TNC: variants seen among roughly 807,000 people sequenced by gnomAD.
TNC encodes the protein tenascin C.
TNC carries 109 observed loss-of-function variants against 202.4 expected under a neutral mutation model. The ratio of observed to expected loss-of-function variants is 0.54; its 90% CI spans 0.46 to 0.63. TNC has a LOEUF of 0.63. Ranked by LOEUF, TNC falls within the 30% of genes least tolerant of loss-of-function variation. TNC has a pLI of 0.00. For synonymous variants in TNC, 1,007 were observed against 1,089.7 expected, an observed-to-expected ratio of 0.92 and a Z score of 1.50; for missense variants, 2,756 against 2,833.3, an observed-to-expected ratio of 0.97 and a Z score of 0.62.
chr9:115,050,612 C>T (rs2150101), intron 15 of TNC, among the ~76,000 whole-genome samples: 3 of 152,004 alleles, frequency 2.0e-5, no homozygotes, highest in Non-Finnish European at 2.9e-5. Flanking sequence ...CTCTTAAAAA[C>T]GAGAGGGAGT....
chr9:115,021,696 A>C (rs1829083169), intron 27 of TNC, among the ~76,000 whole-genome samples: 1 of 152,152 alleles, frequency 6.6e-6, no homozygotes, highest in Admixed American at 6.5e-5. Context: ...GTATTTTGAT[A>C]GGGGTTTGGT....
At chr9:115,076,658 A>C in intron 7 of TNC, 83 bp from the exon 8 acceptor site, 2 of 1,469,104 alleles carry the variant, frequency 1.4e-6, no homozygotes, top group Non-Finnish European at 1.9e-6. Flanking sequence ...TGACATATGA[A>C]ACGTGCCTGG....
At chr9:115,052,093 T>C (rs977015296) in intron 15 of TNC, among the ~76,000 whole-genome samples, 19 of 147,402 alleles carry the variant, frequency 1.3e-4, no homozygotes, top group East Asian at 5.9e-4. Context: ...TATATATATA[T>C]ACACATATAT....
At position 115,076,447 on chromosome 9, in the gene TNC, G is replaced by A; in HGVS notation, c.2803C>T (p.His935Tyr). The A allele has an allele frequency of 1.9e-6, 3 of 1,614,116 alleles. No individual in the cohort carries two copies. The highest frequency in any genetic ancestry group is 2.5e-6 in the Non-Finnish European group (3 of 1,180,028). ...CTCTTTGGAACATCAACCTCAGCGT[G>A]GTCCCCTCCAGAGATGGGGGCATAC... is the stretch of plus-strand genomic sequence containing the variant. ...IKYAPISGGDHAEVDVPKSQQ... is the reference protein window; with the variant it reads ...IKYAPISGGDYAEVDVPKSQQ... Residue 935 changes from histidine to tyrosine, a missense_variant, in exon 8 of 28, where the codon CAC becomes TAC. This residue lies in a region of TNC where 2,559 missense variants were observed against 2,546.0 expected (regional missense o/e 1.01). Coordinates refer to ENST00000350763, the MANE Select transcript of TNC (RefSeq NM_002160.4).
Position 115,086,714 on chromosome 9 carries a change from T to G in TNC, c.1017A>C (p.Glu339Asp), listed in dbSNP as rs1449688613. The G allele has an allele frequency of 1.9e-6, 3 of 1,613,930 alleles. No homozygotes were observed. The East Asian group carries it at 6.7e-5, about 36-fold the overall frequency. The change falls in exon 3 of 28, where the codon GAA becomes GAC. Residue 339 changes from glutamate to aspartate, a missense_variant. Glu to Asp is a conservative substitution (Grantham distance 45). Around this residue, in one of 2 missense-constraint regions of TNC, gnomAD observed 2,559 missense variants for 2,546.0 expected, o/e 1.01. Coordinates refer to ENST00000350763, the MANE Select transcript of TNC (RefSeq NM_002160.4). ...TCYCEEGFTG[E>D]DCGKPTCPHA... ...GTGGGCAGGTGGGTTTCCCGCAGTC[T>G]TCACCTGTGAAGCCTTCTTCGCAGT... is the stretch of plus-strand genomic sequence containing the variant.
At chr9:115,032,412 A>T (rs1240923885) in intron 22 of TNC, among the ~76,000 whole-genome samples, 1 of 152,212 alleles carries the variant, frequency 6.6e-6, no homozygotes, top group Non-Finnish European at 1.5e-5. Flanking sequence ...AGATGTTTGG[A>T]CATGCCAATG....
chr9:115,051,649 T>G (rs777349954), intron 15 of TNC, among the ~76,000 whole-genome samples: 18 of 151,928 alleles, frequency 1.2e-4, no homozygotes, highest in Admixed American at 4.6e-4. Flanking sequence ...GTGTTGTCAG[T>G]TTTAAGAATA....
chr9:115,111,399 C>CTCTTTTTTTTTTTTT (rs1174066886), intron 1 of TNC, among the ~76,000 whole-genome samples: 26 of 71,344 alleles, frequency 3.6e-4, no homozygotes, highest in African/African-American at 1.5e-3. Context: ...CTCTCTCTCT[C>CTCTTTTTTTTTTTTT]TTTTTTTTTT....
intron 1 of TNC, among the ~76,000 whole-genome samples, chr9:115,114,045 C>T (rs1031591083): frequency 1.1e-4 from 16 of 152,116 alleles, no homozygotes; most frequent in African/African-American, 3.4e-4. Context: ...GTATAGCCCC[C>T]GAAGGTAGGT....
In TNC at chr9:115,076,499, C is replaced by G; in HGVS notation, c.2751G>C (p.Lys917Asn). 1 of 1,614,226 alleles carries G rather than the reference C, an allele frequency of 6.2e-7. No homozygotes were observed. The highest frequency in any genetic ancestry group is 8.5e-7 in the Non-Finnish European group (1 of 1,180,048). The change falls in exon 8 of 28, where the codon AAG becomes AAC. Residue 917 changes from lysine (K) to asparagine (N), a missense_variant. Lys to Asn is a moderately conservative substitution (Grantham distance 94). Around this residue, in one of 2 missense-constraint regions of TNC, gnomAD observed 2,559 missense variants for 2,546.0 expected, o/e 1.01. Coordinates refer to ENST00000350763, the MANE Select transcript of TNC (RefSeq NM_002160.4). ...NSITLEWRNGKAAIDSYRIKY... is the reference protein window; with the variant it reads ...NSITLEWRNGNAAIDSYRIKY... ...TAATTCTGTAACTGTCAATAGCTGCCTTGCCATTCCTCCATTCCAGGGTGA... is the reference window on the plus strand; with the variant it reads ...TAATTCTGTAACTGTCAATAGCTGCGTTGCCATTCCTCCATTCCAGGGTGA...
chr9:115,076,472 C>T lies in TNC; in HGVS notation c.2778G>A (p.Lys926=). 1.2e-6 allele frequency: 2 copies of T among 1,614,210 alleles called. No homozygotes were observed. The highest frequency in any genetic ancestry group is 2.2e-5 in the East Asian group (1 of 44,880). Residue 926 remains lysine (K), a synonymous_variant, in exon 8 of 28, where the codon AAG becomes AAA. Transcript: ENST00000350763. ...GKAAIDSYRI[K]YAPISGGDHA... Reference sequence around the variant, plus strand: ...GGTCCCCTCCAGAGATGGGGGCATACTTAATTCTGTAACTGTCAATAGCTG... The same window carrying T: ...GGTCCCCTCCAGAGATGGGGGCATATTTAATTCTGTAACTGTCAATAGCTG...
chr9:115,094,796 CTAAGGACAGAACAAGTGCCTCTGTG>C (rs1835489562), intron 1 of TNC, among the ~76,000 whole-genome samples: 5 of 149,044 alleles, frequency 3.4e-5, no homozygotes, highest in Admixed American at 1.3e-4. Flanking sequence ...CTTGTAGCCC[CTAAGGACAGAACAAGTGCCTCTGTG>C]TGTGTGTGTG....
chr9:115,046,732 C>A, intron 16 of TNC, 50 bp from the exon 17 acceptor site: 1 of 1,599,392 alleles, frequency 6.3e-7, no homozygotes, highest in Non-Finnish European at 8.5e-7. Context: ...ACATCATTTA[C>A]CAGTCCGTGC....
At chr9:115,071,352 C>T (rs10817706) in intron 10 of TNC, among the ~76,000 whole-genome samples, 41,172 of 152,058 alleles carry the variant, frequency 0.27, 5,943 homozygotes, top group African/African-American at 0.37. Flanking sequence ...TCTTTAAATA[C>T]GAAACATGAT....
intron 27 of TNC, among the ~76,000 whole-genome samples, chr9:115,021,829 G>A (rs879275475): frequency 3.3e-5 from 5 of 152,008 alleles, no homozygotes; most frequent in African/African-American, 4.8e-5. Flanking sequence ...TCTGAGCCTC[G>A]GTTTTACTAT....
At position 115,042,320 on chromosome 9, in the gene TNC, A is replaced by G. The variant is rs1177475691; in HGVS notation, c.5147T>C (p.Val1716Ala). 1 of 1,614,098 alleles carries G rather than the reference A, an allele frequency of 6.2e-7. No homozygotes were observed. Among genetic ancestry groups the G allele is most frequent in the Non-Finnish European group, 8.5e-7 (1 of 1,179,980 alleles). The part of the protein sequence containing the change: ...ATTAMGSPKE[V>A]IFSDITENSA... The stretch of plus-strand genomic sequence containing the variant: ...ATTTTCAGTGATGTCTGAGAAAATG[A>G]CTTCCTTTGGGGAGCCCATGGCTGT... Residue 1716 changes from valine to alanine, a missense_variant, in exon 18 of 28, where the codon GTC becomes GCC. Physicochemically the swap from Val to Ala is moderately conservative, Grantham distance 64. Transcript: ENST00000350763.
intron 27 of TNC, among the ~76,000 whole-genome samples, chr9:115,021,798 A>G (rs1317329989): frequency 6.6e-6 from 1 of 152,186 alleles, no homozygotes; most frequent in African/African-American, 2.4e-5. Flanking sequence ...AGAGATAAAT[A>G]GTCTTAAGTT....
At chr9:115,094,424 C>G (rs1835460831) in intron 1 of TNC, among the ~76,000 whole-genome samples, 1 of 152,138 alleles carries the variant, frequency 6.6e-6, no homozygotes, top group Non-Finnish European at 1.5e-5. Context: ...AAATAATGAC[C>G]TTTAAGAATG....
At chr9:115,109,140 C>T (rs778538307) in intron 1 of TNC, among the ~76,000 whole-genome samples, 18 of 152,168 alleles carry the variant, frequency 1.2e-4, no homozygotes, top group Non-Finnish European at 2.1e-4. Flanking sequence ...TTAGGTGATT[C>T]CCATGAGAAT....
Sources: allele counts gnomAD v4.1 joint callset (sites outside exome capture counted in the v4.1 genomes callset), GRCh38; gene constraint gnomAD v4.1.1; regional missense constraint gnomAD v4.1.1; transcripts MANE v1.5; gene names NCBI Gene and HGNC (gene_info 2026-07-23, HGNC 2026-07-21).